Variants in RERE observed in about 807,000 individuals in gnomAD.
RERE encodes the protein arginine-glutamic acid dipeptide repeats protein.
In RERE, 40 loss-of-function variants were observed where a neutral mutation model predicts 146.1. That is an observed-to-expected ratio of 0.27 (90% CI 0.21 to 0.36). The LOEUF (loss-of-function observed/expected upper bound fraction) is 0.36. Among genes scored for constraint, RERE ranks in the 10% least tolerant of loss-of-function variants. RERE has a pLI of 1.00. For synonymous variants in RERE, 1,003 were observed against 866.0 expected (o/e 1.16, Z -2.78); for missense variants, 1,933 against 2,138.7 (o/e 0.90, Z 1.90).
chr1:8,658,976 A>C (rs530916921), intron 1 of RERE, among the ~76,000 whole-genome samples: 6 of 152,224 alleles, frequency 3.9e-5, no homozygotes, highest in Non-Finnish European at 8.8e-5. Context: ...ATGCATCATA[A>C]GCTACATTAG....
intron 6 of RERE, among the ~76,000 whole-genome samples, chr1:8,548,899 G>C (rs977704895): frequency 6.6e-6 from 1 of 152,098 alleles, no homozygotes; most frequent in Non-Finnish European, 1.5e-5. Context: ...GCAGAGAATT[G>C]CATGAACCCA....
chr1:8,812,425 T>C (rs1641830571), intron 1 of RERE, among the ~76,000 whole-genome samples: 1 of 152,170 alleles, frequency 6.6e-6, no homozygotes, highest in East Asian at 1.9e-4. Flanking sequence ...GGCAGGTGGA[T>C]CACTTGAGGT....
At chr1:8,369,777 T>C (rs942508363) in intron 12 of RERE, among the ~76,000 whole-genome samples, 2 of 152,092 alleles carry the variant, frequency 1.3e-5, no homozygotes, top group Admixed American at 6.5e-5. Flanking sequence ...GATACATTCA[T>C]AGAAACTATT....
At chr1:8,501,317 C>A (rs1209438133) in intron 8 of RERE, among the ~76,000 whole-genome samples, 1 of 118,522 alleles carries the variant, frequency 8.4e-6, no homozygotes. Flanking sequence ...CCAGCCGCCC[C>A]GTCCGGGAGG....
intron 1 of RERE, chr1:8,798,473 C>T (rs6664000): frequency 0.86 from 178,003 of 206,054 alleles, 77,388 homozygotes; most frequent in African/African-American, 0.97. Flanking sequence ...GCTATAAAAA[C>T]GGGCAAGTTC....
chr1:8,384,586 T>C (rs2124413033), intron 12 of RERE, among the ~76,000 whole-genome samples: 1 of 152,310 alleles, frequency 6.6e-6, no homozygotes, highest in South Asian at 2.1e-4. Context: ...ATAGGAGTGA[T>C]GAATATCTGA....
chr1:8,448,401 A>T (rs1644349304), intron 11 of RERE, among the ~76,000 whole-genome samples: 1 of 152,054 alleles, frequency 6.6e-6, no homozygotes, highest in African/African-American at 2.4e-5. Context: ...TATTGGGTGC[A>T]TTTTCCACAG....
At chr1:8,374,174 G>A (rs577314933) in intron 12 of RERE, among the ~76,000 whole-genome samples, 1 of 152,316 alleles carries the variant, frequency 6.6e-6, no homozygotes, top group South Asian at 2.1e-4. Context: ...TGAGGAGGCA[G>A]CTGCCTCCAG....
At chr1:8,636,516 T>C (rs1647103578) in intron 2 of RERE, among the ~76,000 whole-genome samples, 2 of 151,792 alleles carry the variant, frequency 1.3e-5, no homozygotes, top group Non-Finnish European at 2.9e-5. Flanking sequence ...TGGGCAACAG[T>C]GTGAATCCTC....
At chr1:8,396,769 C>T (rs1450452186) in intron 12 of RERE, among the ~76,000 whole-genome samples, 2 of 152,138 alleles carry the variant, frequency 1.3e-5, no homozygotes, top group East Asian at 1.9e-4. Flanking sequence ...AATTCCAAAA[C>T]GCTTTCATCA....
At chr1:8,649,643 T>G (rs1647504671) in intron 2 of RERE, among the ~76,000 whole-genome samples, 1 of 150,376 alleles carries the variant, frequency 6.6e-6, no homozygotes. Flanking sequence ...GGCAGGAGAA[T>G]CACTTGAACC....
At chr1:8,425,360 G>A (rs1643996833) in intron 11 of RERE, 1 of 152,312 alleles carries the variant, frequency 6.6e-6, no homozygotes, top group South Asian at 2.1e-4. Flanking sequence ...ATTCTGAGAT[G>A]TCATCTGGCC....
chr1:8,560,662 T>A (rs1030082067), intron 4 of RERE, among the ~76,000 whole-genome samples: 2 of 152,172 alleles, frequency 1.3e-5, no homozygotes, highest in South Asian at 4.1e-4. Flanking sequence ...ACAGAAAGCA[T>A]CTAGAACTGA....
chr1:8,739,918 C>T (rs1033460539), intron 1 of RERE, among the ~76,000 whole-genome samples: 2 of 151,656 alleles, frequency 1.3e-5, no homozygotes, highest in Middle Eastern at 3.4e-3. Context: ...TCCAGTTTTA[C>T]TTGCTTGCTT....
chr1:8,388,390 G>A (rs575695876), intron 12 of RERE, among the ~76,000 whole-genome samples: 1 of 151,698 alleles, frequency 6.6e-6, no homozygotes, highest in African/African-American at 2.4e-5. Flanking sequence ...CGCAATCTCG[G>A]CTCACTGCAA....
intron 1 of RERE, among the ~76,000 whole-genome samples, chr1:8,705,872 T>C (rs1265717364): frequency 1.3e-5 from 2 of 152,198 alleles, no homozygotes; most frequent in Non-Finnish European, 2.9e-5. Flanking sequence ...ATCCCAGCAC[T>C]TTGGGAGGCC....
chr1:8,783,656 T>A (rs1301816861), intron 1 of RERE, among the ~76,000 whole-genome samples: 1 of 152,118 alleles, frequency 6.6e-6, no homozygotes, highest in Non-Finnish European at 1.5e-5. Context: ...AGAAATTAAA[T>A]TTTTTAAAAA....
Position 8,398,409 on chromosome 1 carries a change from TCCC to T in RERE, c.1284+24315_1284+24317del, listed in dbSNP as rs1371777333. ...TTGCTCAGGGTTGGTTCTCACCATCTCCCCATCACTCAAGGCCTAGTTCAAGTC... is the reference window on the plus strand; with the variant it reads ...TTGCTCAGGGTTGGTTCTCACCATCTCATCACTCAAGGCCTAGTTCAAGTC... On this transcript the variant is annotated intron_variant, in intron 12 of 22. Coordinates refer to ENST00000400908, the MANE Select transcript of RERE (RefSeq NM_001042681.2). 2.0e-5 allele frequency among the ~76,000 whole-genome samples: 3 copies of T among 152,014 alleles called. No individual in the cohort carries two copies. In the East Asian group the frequency reaches 5.8e-4, roughly 29 times the overall value.
intron 12 of RERE, among the ~76,000 whole-genome samples, chr1:8,382,590 A>G (rs984021583): frequency 2.0e-5 from 3 of 152,252 alleles, no homozygotes; most frequent in African/African-American, 7.2e-5. Context: ...TGAACGGAAC[A>G]TAACAGGTAC....
Sources: gnomAD v4.1 joint callset for allele counts (sites outside exome capture counted in the v4.1 genomes callset) on GRCh38, gnomAD v4.1.1 for gene constraint, MANE v1.5 for transcripts, NCBI Gene and HGNC (gene_info 2026-07-23, HGNC 2026-07-21) for gene names.